Variants in FSTL4 observed in about 807,000 individuals in gnomAD.
FSTL4 encodes the protein follistatin like 4, also known as follistatin-related protein 4.
Under a neutral mutation model 78.2 loss-of-function variants are expected in FSTL4, and 28 were observed. The ratio of observed to expected loss-of-function variants is 0.36; its 90% CI spans 0.27 to 0.49. FSTL4 has a LOEUF of 0.49. FSTL4 is among the 20% of genes least tolerant of loss of function. The probability of loss-of-function intolerance (pLI) is 0.98; values close to 1 mark genes in which losing one functional copy is unlikely to be tolerated. For synonymous variants in FSTL4, 422 were observed against 440.5 expected (o/e 0.96, Z 0.53); for missense variants, 922 against 1,084.9 (o/e 0.85, Z 2.11).
rs571007198 is a variant in FSTL4 at position 133,338,531 on chromosome 5, C to T, written c.410-21879G>A. Among the ~76,000 whole-genome samples, 379 of 152,248 alleles carry T rather than the reference C, an allele frequency of 2.5e-3. No individual in the cohort carries two copies. The highest frequency in any genetic ancestry group is 8.3e-3 in the African/African-American group (343 of 41,532). On this transcript the variant is annotated intron_variant, in intron 4 of 15. Coordinates refer to ENST00000265342, the MANE Select transcript of FSTL4 (RefSeq NM_015082.2). The surrounding 1 kb of genome is among the most constrained non-coding windows in gnomAD (Gnocchi z 4.0). ...ACTTCCCTCTGCTCCCCCATGGATA[C>T]TCGGTTCCCTCAATCGAGGCTGGTG...
the FSTL4 span, among the ~76,000 whole-genome samples, chr5:133,685,219 C>A: frequency 2.0e-5 from 3 of 152,160 alleles, no homozygotes; most frequent in African/African-American, 7.2e-5. Flanking sequence ...TGGGGCCCAT[C>A]CACTCTTTTG....
chr5:133,760,388 C>G, the FSTL4 span, among the ~76,000 whole-genome samples: 1 of 152,234 alleles, frequency 6.6e-6, no homozygotes, highest in Admixed American at 6.5e-5. Context: ...TCATGGCCTT[C>G]ACTGTCTGGT....
chr5:133,739,495 G>A, the FSTL4 span, among the ~76,000 whole-genome samples: 1 of 152,114 alleles, frequency 6.6e-6, no homozygotes, highest in East Asian at 1.9e-4. Flanking sequence ...GGGAGAGTCA[G>A]ATCTGAACTT....
At chr5:133,403,895 T>C (rs887949826) in intron 3 of FSTL4, among the ~76,000 whole-genome samples, 1 of 152,084 alleles carries the variant, frequency 6.6e-6, no homozygotes. Context: ...AGTGAGCACC[T>C]CTGAGGCCCA....
At chr5:133,729,379 CTT>C in the FSTL4 span, among the ~76,000 whole-genome samples, 1 of 152,144 alleles carries the variant, frequency 6.6e-6, no homozygotes, top group Non-Finnish European at 1.5e-5. Flanking sequence ...TTATACGTCT[CTT>C]TCCTCATTTG....
In FSTL4 at chr5:133,233,281, A is replaced by G. The variant is rs943177861; in HGVS notation, c.1015+136T>C. ...TGCCCTTTCCACACGGTTCCCCTTT[A>G]CTTATAAGAGAGATGATATATTTTG... On this transcript the variant is annotated intron_variant, in intron 8 of 15. Transcript: ENST00000265342. The G allele has an allele frequency of 3.0e-6, 3 of 986,896 alleles. No individual in the cohort carries two copies. In the African/African-American group the frequency reaches 4.9e-5, roughly 16 times the overall value. The allele number at this position is 986,896 out of a possible 1,614,324, so 61.1% of individuals were successfully genotyped here. A position where few individuals can be genotyped will look rare whatever the true frequency, so the allele number is the denominator to read the frequency against.
chr5:133,823,928 T>G, the FSTL4 span, among the ~76,000 whole-genome samples: 1 of 152,240 alleles, frequency 6.6e-6, no homozygotes, highest in Non-Finnish European at 1.5e-5. Flanking sequence ...AGGTTTAATT[T>G]TTTAAAGAAT....
intron 3 of FSTL4, among the ~76,000 whole-genome samples, chr5:133,563,035 T>C (rs773398435): frequency 1.3e-5 from 2 of 152,084 alleles, no homozygotes; most frequent in East Asian, 1.9e-4. Context: ...GTTATAAAAA[T>C]ACCTGCACTG....
intron 6 of FSTL4, among the ~76,000 whole-genome samples, chr5:133,285,684 T>A (rs983095086): frequency 2.0e-5 from 3 of 151,950 alleles, no homozygotes; most frequent in African/African-American, 7.3e-5. Flanking sequence ...AGCTGTGGAG[T>A]CAGTCAGTCA....
At chr5:133,613,575 T>A (rs1409813584), upstream of FSTL4, among the ~76,000 whole-genome samples, 1 of 152,168 alleles carries the variant, frequency 6.6e-6, no homozygotes, top group Non-Finnish European at 1.5e-5. Context: ...CTTCCACAGA[T>A]TTTCCTGCCG....
At chr5:133,221,080 T>C in intron 11 of FSTL4, 4 of 653,998 alleles carry the variant, frequency 6.1e-6, no homozygotes, top group Non-Finnish European at 1.1e-5. Context: ...CAGTAAAGCA[T>C]GTCACAGGCT....
intron 2 of FSTL4, among the ~76,000 whole-genome samples, chr5:133,600,076 G>C (rs1358653634): frequency 6.6e-6 from 1 of 152,088 alleles, no homozygotes; most frequent in Non-Finnish European, 1.5e-5. Context: ...GTTTGACTTA[G>C]GATTTTTCAA....
At chr5:133,739,479 A>G in the FSTL4 span, among the ~76,000 whole-genome samples, 2 of 152,016 alleles carry the variant, frequency 1.3e-5, no homozygotes, top group African/African-American at 4.8e-5. Context: ...ATCTCACCCA[A>G]TCAGAGGGAG....
chr5:133,335,542 C>T (rs1754445323), intron 4 of FSTL4, among the ~76,000 whole-genome samples: 1 of 152,100 alleles, frequency 6.6e-6, no homozygotes, highest in Non-Finnish European at 1.5e-5. Flanking sequence ...CCCAGCCTCC[C>T]TCCCTCCAGG....
intron 2 of FSTL4, among the ~76,000 whole-genome samples, chr5:133,577,305 T>C (rs114732391): frequency 0.011 from 1,750 of 152,244 alleles, 16 homozygotes; most frequent in South Asian, 0.017. Context: ...CAAGTGCTCA[T>C]GAAAAACACC....
At chr5:133,497,980 C>T (rs931809481) in intron 3 of FSTL4, among the ~76,000 whole-genome samples, 1 of 152,170 alleles carries the variant, frequency 6.6e-6, no homozygotes, top group Admixed American at 6.5e-5. Context: ...TTGTCTGTGA[C>T]TTGCGGGGTC....
intron 3 of FSTL4, among the ~76,000 whole-genome samples, chr5:133,530,942 G>C (rs1288841799): frequency 6.6e-6 from 1 of 152,200 alleles, no homozygotes; most frequent in African/African-American, 2.4e-5. Flanking sequence ...TCTTGCCCCA[G>C]TGCCAAATGC....
chr5:133,407,571 C>T (rs1561705872), intron 3 of FSTL4, among the ~76,000 whole-genome samples: 1 of 152,200 alleles, frequency 6.6e-6, no homozygotes, highest in Non-Finnish European at 1.5e-5. Context: ...AGATCCTAAC[C>T]TGAGGTCTGA....
chr5:133,278,356 G>C (rs1752935194), intron 6 of FSTL4, among the ~76,000 whole-genome samples: 1 of 152,218 alleles, frequency 6.6e-6, no homozygotes, highest in African/African-American at 2.4e-5. Flanking sequence ...CACCTCGGCT[G>C]CAGTCTTGGC....
Sources: gnomAD v4.1 joint callset for allele counts (sites outside exome capture counted in the v4.1 genomes callset) on GRCh38, gnomAD v4.1.1 for gene constraint, Gnocchi (gnomAD v3.1) non-coding constraint, MANE v1.5 for transcripts, NCBI Gene and HGNC (gene_info 2026-07-23, HGNC 2026-07-21) for gene names.